COG8: variants seen among roughly 807,000 people sequenced by gnomAD.
COG8 encodes the protein component of oligomeric golgi complex 8, also known as conserved oligomeric Golgi complex subunit 8.
In COG8, 45 loss-of-function variants were observed where a neutral mutation model predicts 46.5. That is an observed-to-expected ratio of 0.97 (90% CI 0.76 to 1.24). COG8 has a LOEUF of 1.24. COG8 is among the 50% of genes most tolerant of loss of function. The pLI is 0.00. For synonymous variants in COG8, 407 were observed against 347.8 expected (o/e 1.17, Z -1.90); for missense variants, 793 against 820.8 (o/e 0.97, Z 0.41).
chr16:69,334,050 G>A (rs1301718546), intron 3 of COG8, among the ~76,000 whole-genome samples: 1 of 152,108 alleles, frequency 6.6e-6, no homozygotes, highest in Non-Finnish European at 1.5e-5. Flanking sequence ...AGGAGCTGAG[G>A]CTTCAGTTCT....
rs1427458045 is a variant in COG8 at position 69,334,628 on chromosome 16, C to T, written c.1306G>A (p.Ala436Thr). Residue 436 changes from alanine to threonine, a missense_variant, in exon 3 of 6, where the codon GCC becomes ACC. Ala to Thr is a moderately conservative substitution (Grantham distance 58). Transcript: ENST00000306875. ...PMVLLDFPPL[A>T]CFLNNILVAF... ...ACCAGAATATTGTTGAGAAAGCAGGCGAGGGGTGGGAAATCTAGGAGCACC... is the reference window on the plus strand; with the variant it reads ...ACCAGAATATTGTTGAGAAAGCAGGTGAGGGGTGGGAAATCTAGGAGCACC... 2.5e-6 allele frequency: 4 copies of T among 1,614,012 alleles called. No homozygotes were observed. Among genetic ancestry groups the T allele is most frequent in the East Asian group, 2.2e-5 (1 of 44,898 alleles).
chr16:69,334,786 A>C lies in COG8; in HGVS notation c.1148T>G (p.Ile383Ser). The C allele has an allele frequency of 6.2e-7, 1 of 1,614,114 alleles. No individual in the cohort carries two copies. Among genetic ancestry groups the C allele is most frequent in the Non-Finnish European group, 8.5e-7 (1 of 1,180,020 alleles). Residue 383 changes from isoleucine to serine, a missense_variant, in exon 3 of 6, where the codon ATT becomes AGT. Coordinates refer to ENST00000306875, the MANE Select transcript of COG8 (RefSeq NM_032382.5). ...CTGGAATTTCTCCACTGTTTCCTGA[A>C]TTGCTTTCTGGAAAGTGCTGATGGC... Reference protein sequence around the residue: ...RVAISTFQKAIQETVEKFQEE... With the variant: ...RVAISTFQKASQETVEKFQEE...
intron 5 of COG8, 51 bp downstream of exon 5, chr16:69,330,762 C>G: frequency 6.9e-7 from 1 of 1,458,118 alleles, no homozygotes; most frequent in Non-Finnish European, 9.0e-7. Flanking sequence ...CCGCCCCGGA[C>G]CTTCCAGGGC....
In COG8 at chr16:69,329,112, G is replaced by A. The variant is rs542586558; in HGVS notation, c.*94C>T. 1.2e-6 allele frequency: 2 copies of A among 1,611,074 alleles called. No individual in the cohort carries two copies. Among genetic ancestry groups the A allele is most frequent in the Non-Finnish European group, 1.7e-6 (2 of 1,179,412 alleles). On this transcript the variant is annotated 3_prime_UTR_variant, in exon 6 of 6. Coordinates refer to ENST00000306875, the MANE Select transcript of COG8 (RefSeq NM_032382.5). ...GGCAGCCCTGCAGGTGGTCCATCTC[G>A]TGCTGGATGATGCGGGCTGCCCACC...
Position 69,328,975 on chromosome 16 carries a change from GTGTT to G in COG8, c.*227_*230del. On this transcript the variant is annotated 3_prime_UTR_variant, in exon 6 of 6. Coordinates refer to ENST00000306875, the MANE Select transcript of COG8 (RefSeq NM_032382.5). ...AAGATTTGCCCAGCTCAAAGTGAAA[GTGTT>G]TGCGTCTTGGTATCCGGAATCCTCA... is the stretch of plus-strand genomic sequence containing the variant. The G allele has an allele frequency of 6.3e-7, 1 of 1,582,072 alleles. No individual in the cohort carries two copies. The highest frequency in any genetic ancestry group is 8.5e-7 in the Non-Finnish European group (1 of 1,171,658).
rs747524261 is a variant in COG8, at chr16:69,330,077, A to G, written c.*26+736T>C. 1.7e-5 allele frequency: 26 copies of G among 1,568,776 alleles called. No homozygotes were observed. In the South Asian group the frequency reaches 2.9e-4, roughly 18 times the overall value. On this transcript the variant is annotated intron_variant, in intron 5 of 5. Coordinates refer to ENST00000306875, the MANE Select transcript of COG8 (RefSeq NM_032382.5). ...CTCGCAGCCCTCGGGAAAGGTGACC[A>G]GGCGGCTGTCAAGCACTCGCAGGCT... is the stretch of plus-strand genomic sequence containing the variant.
intron 2 of COG8, among the ~76,000 whole-genome samples, chr16:69,336,277 T>C (rs185158987): frequency 4.3e-4 from 65 of 152,312 alleles, no homozygotes; most frequent in South Asian, 2.1e-4. Flanking sequence ...GTAAGCTGCA[T>C]GAGAGCCAGG....
intron 5 of COG8, chr16:69,330,526 C>T (rs978025503): frequency 1.4e-6 from 2 of 1,476,604 alleles, no homozygotes; most frequent in Non-Finnish European, 1.8e-6. Context: ...ACGGCACGGC[C>T]GCCCACAGTG....
intron 4 of COG8, among the ~76,000 whole-genome samples, chr16:69,331,296 TACA>T (rs1279542756): frequency 5.9e-5 from 9 of 151,410 alleles, no homozygotes; most frequent in East Asian, 2.0e-4. Context: ...CTCTTAAAAA[TACA>T]ACATTAGCCG....
Position 69,335,038 on chromosome 16 carries a change from A to C in COG8, c.896T>G (p.Leu299Arg). Residue 299 changes from leucine to arginine, a missense_variant, in exon 3 of 6, where the codon CTG (leucine) becomes CGG (arginine). By Grantham distance (102) the Leu-to-Arg change is moderately radical. Coordinates refer to ENST00000306875, the MANE Select transcript of COG8 (RefSeq NM_032382.5). ...YRAIFSDEDPLLPPAMGEHTV... is the reference protein window; with the variant it reads ...YRAIFSDEDPRLPPAMGEHTV... ...GTGCTCACCCATGGCAGGGGGCAGC[A>C]GTGGGTCCTCGTCTGAGAAGATGGC... 6.2e-7 allele frequency: 1 copy of C among 1,614,214 alleles called. No individual in the cohort carries two copies. The highest frequency in any genetic ancestry group is 8.5e-7 in the Non-Finnish European group (1 of 1,180,040).
Position 69,339,338 on chromosome 16 carries a change from C to A in COG8, c.215G>T (p.Arg72Leu). 11 of 1,603,932 alleles carry A rather than the reference C, an allele frequency of 6.9e-6. No homozygotes were observed. The highest frequency in any genetic ancestry group is 9.3e-6 in the Non-Finnish European group (11 of 1,177,204). Residue 72 changes from arginine (R) to leucine (L), a missense_variant, in exon 1 of 6, where the codon CGG becomes CTG. Physicochemically the swap from Arg to Leu is moderately radical, Grantham distance 102. Transcript: ENST00000306875. ...GCGCGTCTGCTGCAGCAGCTGCGCC[C>A]GCTCCTCCGCCAGGCGCTCGGGCTC... The part of the protein sequence containing the change: ...RREPERLAEE[R>L]AQLLQQTRDL...
Position 69,335,223 on chromosome 16 carries a change from G to A in COG8, c.711C>T (p.Val237=). 6.2e-7 allele frequency: 1 copy of A among 1,614,126 alleles called. No individual in the cohort carries two copies. Among genetic ancestry groups the A allele is most frequent in the South Asian group, 1.1e-5 (1 of 91,068 alleles). ...TCACCCTCAACTCAGCCTCAGTGAA[G>A]ACGTCCATGCGCCGCAGGTAGCCAA... The part of the protein sequence containing the change: ...RVIGYLRRMD[V]FTEAELRVKF... The change falls in exon 3 of 6, where the codon GTC becomes GTT. Residue 237 remains valine (V), a synonymous_variant. Coordinates refer to ENST00000306875, the MANE Select transcript of COG8 (RefSeq NM_032382.5).
intron 4 of COG8, 35 bp downstream of exon 4, chr16:69,332,679 C>G: frequency 6.4e-7 from 1 of 1,571,072 alleles, no homozygotes; most frequent in Non-Finnish European, 8.8e-7. Context: ...AATTACACAT[C>G]AGTAAGGCAG....
In COG8 at chr16:69,332,510, G is replaced by C. The variant is rs994414175; in HGVS notation, c.1582+204C>G. On this transcript the variant is annotated intron_variant, in intron 4 of 5. Coordinates refer to ENST00000306875, the MANE Select transcript of COG8 (RefSeq NM_032382.5). Reference sequence around the variant, plus strand: ...AATGTCCAGAAGAGGCAAATCTATGGCAACAGAAAGTAGGTTGCCAGGGAC... The same window carrying C: ...AATGTCCAGAAGAGGCAAATCTATGCCAACAGAAAGTAGGTTGCCAGGGAC... 1.6e-5 allele frequency: 10 copies of C among 635,422 alleles called. No homozygotes were observed. The Admixed American group carries it at 1.8e-4, about 11-fold the overall frequency. The allele number at this position is 635,422 out of a possible 1,614,324, so 39.4% of individuals were successfully genotyped here.
Position 69,334,581 on chromosome 16 carries a change from G to A in COG8, c.1353C>T (p.Leu451=). Reference sequence around the variant, plus strand: ...CCTGCGCCAGGGCCACAGGGCAGCAGAGGCGCAGATCATTGAAGGCAACCA... The same window carrying A: ...CCTGCGCCAGGGCCACAGGGCAGCAAAGGCGCAGATCATTGAAGGCAACCA... ...NILVAFNDLR[L]CCPVALAQDV... is the part of the protein sequence containing the mutation. The change falls in exon 3 of 6, where the codon CTC becomes CTT. Residue 451 remains leucine, a synonymous_variant. Coordinates refer to ENST00000306875, the MANE Select transcript of COG8 (RefSeq NM_032382.5). The A allele has an allele frequency of 6.2e-7, 1 of 1,614,228 alleles. No homozygotes were observed. Among genetic ancestry groups the A allele is most frequent in the Non-Finnish European group, 8.5e-7 (1 of 1,180,052 alleles).
intron 4 of COG8, 65 bp downstream of exon 4, chr16:69,332,649 G>T: frequency 1.4e-6 from 2 of 1,395,520 alleles, no homozygotes; most frequent in Non-Finnish European, 2.0e-6. Context: ...TACACAAATG[G>T]ATGAATTATT....
At chr16:69,337,056 T>A (rs1158916553) in intron 1 of COG8, among the ~76,000 whole-genome samples, 1 of 152,082 alleles carries the variant, frequency 6.6e-6, no homozygotes, top group Admixed American at 6.6e-5. Context: ...CCCAGCACTT[T>A]GGGAGGCTGA....
Position 69,334,967 on chromosome 16 carries a change from CCTT to C in COG8, c.964_966del (p.Lys322del), listed in dbSNP as rs763008245. The stretch of plus-strand genomic sequence containing the variant: ...TCCAGCACCTGCAGGAATTGTGAGA[CCTT>C]CTGTAGCACCCAGCCATGGAAGATG... On this transcript the variant is annotated inframe_deletion, in exon 3 of 6. Transcript: ENST00000306875. 1.2e-6 allele frequency: 2 copies of C among 1,614,172 alleles called. No individual in the cohort carries two copies. The highest frequency in any genetic ancestry group is 1.7e-6 in the Non-Finnish European group (2 of 1,180,046).
chr16:69,330,434 C>A, intron 5 of COG8: 2 of 1,472,860 alleles, frequency 1.4e-6, no homozygotes, highest in Non-Finnish European at 1.8e-6. Flanking sequence ...CCAATAGGAG[C>A]GCCGCAGCGC....
Sources: gnomAD v4.1 joint callset for allele counts (sites outside exome capture counted in the v4.1 genomes callset) on GRCh38, gnomAD v4.1.1 for gene constraint, MANE v1.5 for transcripts, NCBI Gene and HGNC (gene_info 2026-07-23, HGNC 2026-07-21) for gene names.